RWDD1: variants seen among roughly 807,000 people sequenced by gnomAD.
RWDD1 encodes the protein RWD domain-containing protein 1.
A neutral mutation model predicts 31.6 loss-of-function variants in RWDD1; 17 were observed. The ratio of observed to expected loss-of-function variants is 0.54; its 90% CI spans 0.37 to 0.81. The LOEUF (loss-of-function observed/expected upper bound fraction) is 0.81. Ranked by LOEUF, RWDD1 falls within the 30% of genes least tolerant of loss-of-function variation. The pLI, the probability that RWDD1 is intolerant of heterozygous loss-of-function variation, is 0.00. For missense variants in RWDD1, 204 were observed against 274.5 expected (o/e 0.74, Z 1.82); for synonymous variants, 78 against 94.2 (o/e 0.83, Z 0.99).
At chr6:116,579,766 A>G (rs1309974896) in intron 1 of RWDD1, among the ~76,000 whole-genome samples, 2 of 152,246 alleles carry the variant, frequency 1.3e-5, no homozygotes, top group Non-Finnish European at 2.9e-5. Context: ...CTTAGTAAGC[A>G]TATGTGAAAG....
chr6:116,574,080 C>A (rs751885041), intron 1 of RWDD1: 16 of 657,292 alleles, frequency 2.4e-5, no homozygotes, highest in Non-Finnish European at 3.0e-5. Flanking sequence ...TTGATCCAAC[C>A]CTCCTAACAA....
At chr6:116,573,727 G>C (rs1341484717) in intron 1 of RWDD1, among the ~76,000 whole-genome samples, 3 of 152,064 alleles carry the variant, frequency 2.0e-5, no homozygotes, top group Non-Finnish European at 4.4e-5. Context: ...GTTGGCCAAG[G>C]AACACTAAAT....
At chr6:116,585,327 A>G (rs1024436495) in intron 3 of RWDD1, among the ~76,000 whole-genome samples, 5 of 152,210 alleles carry the variant, frequency 3.3e-5, no homozygotes, top group African/African-American at 1.2e-4. Flanking sequence ...ACAGACAACA[A>G]TAATGGCTTA....
chr6:116,589,865 C>T (rs1056546867), intron 4 of RWDD1, among the ~76,000 whole-genome samples: 1 of 152,120 alleles, frequency 6.6e-6, no homozygotes, highest in Non-Finnish European at 1.5e-5. Context: ...GAAAGACAGG[C>T]CACCATGATT....
At chr6:116,574,091 C>A in intron 1 of RWDD1, 1 of 525,484 alleles carries the variant, frequency 1.9e-6, no homozygotes, top group Non-Finnish European at 2.4e-6. Flanking sequence ...CTCCTAACAA[C>A]TAGTCTTCCA....
chr6:116,579,522 C>T, intron 1 of RWDD1, among the ~76,000 whole-genome samples: 1 of 152,208 alleles, frequency 6.6e-6, no homozygotes, highest in East Asian at 1.9e-4. Context: ...TTTCTAGATA[C>T]TGCCAGATAC....
chr6:116,587,646 TTCTC>T (rs1775067965), intron 3 of RWDD1, among the ~76,000 whole-genome samples: 1 of 151,374 alleles, frequency 6.6e-6, no homozygotes, highest in Admixed American at 6.6e-5. Context: ...AATTGATTAG[TTCTC>T]TCTGTGACTC....
chr6:116,590,933 T>A lies in RWDD1; in HGVS notation c.593T>A (p.Ile198Asn). ...ETDHNLDTSD[I>N]QFLEDAGNNV... ...GATCATAATCTTGACACATCTGATA[T>A]CCAGTTCTTGGAGGATGGTAAGATA... Residue 198 changes from isoleucine (I) to asparagine (N), a missense_variant, in exon 6 of 7, where the codon ATC becomes AAC. By Grantham distance (149) the Ile-to-Asn change is moderately radical. Coordinates refer to ENST00000466444, the MANE Select transcript of RWDD1 (RefSeq NM_015952.4). 1 of 1,577,768 alleles carries A rather than the reference T, an allele frequency of 6.3e-7. No individual in the cohort carries two copies. The highest frequency in any genetic ancestry group is 8.6e-7 in the Non-Finnish European group (1 of 1,168,778).
rs2243349 is a variant in RWDD1, at chr6:116,590,250, CTTTT to C, written c.415-14_415-11del. The stretch of plus-strand genomic sequence containing the variant: ...AACTGCTGTTTCATTAATCTGGTGA[CTTTT>C]TTTTTTTATTTCCTAAGCAATTATT... On this transcript the variant is annotated intron_variant, in intron 4 of 6. Coordinates refer to ENST00000466444, the MANE Select transcript of RWDD1 (RefSeq NM_015952.4). 1 of 1,078,224 alleles carries C rather than the reference CTTTT, an allele frequency of 9.3e-7. No homozygotes were observed. Among genetic ancestry groups the C allele is most frequent in the South Asian group, 1.7e-5 (1 of 58,960 alleles). The allele number at this position is 1,078,224 out of a possible 1,614,324, so 66.8% of individuals were successfully genotyped here. A position where few individuals can be genotyped will look rare whatever the true frequency, so the allele number is the denominator to read the frequency against.
intron 3 of RWDD1, among the ~76,000 whole-genome samples, chr6:116,585,123 G>A (rs960719173): frequency 6.6e-6 from 1 of 152,222 alleles, no homozygotes; most frequent in Middle Eastern, 3.4e-3. Flanking sequence ...AAAGTCCAAC[G>A]GGTACTTTAA....
intron 2 of RWDD1, among the ~76,000 whole-genome samples, chr6:116,581,692 T>C (rs1050808288): frequency 6.6e-6 from 1 of 152,040 alleles, no homozygotes; most frequent in African/African-American, 2.4e-5. Context: ...TAAAATAATA[T>C]ATCCAGCAAA....
At chr6:116,586,021 G>A (rs1294023454) in intron 3 of RWDD1, among the ~76,000 whole-genome samples, 3 of 151,990 alleles carry the variant, frequency 2.0e-5, no homozygotes, top group Non-Finnish European at 2.9e-5. Flanking sequence ...TCAGTCAGTC[G>A]TACCTTAATG....
intron 1 of RWDD1, 95 bp from the exon 2 acceptor site, chr6:116,580,200 C>G (rs943473848): frequency 7.2e-6 from 5 of 698,350 alleles, no homozygotes; most frequent in Non-Finnish European, 1.2e-5. Flanking sequence ...AGCCTAGGGA[C>G]CAGTTTCTAG....
intron 1 of RWDD1, among the ~76,000 whole-genome samples, chr6:116,578,779 T>C (rs1442310687): frequency 6.6e-6 from 1 of 152,178 alleles, no homozygotes; most frequent in Non-Finnish European, 1.5e-5. Flanking sequence ...GAGTCTTTTA[T>C]CTAACACTTT....
intron 3 of RWDD1, among the ~76,000 whole-genome samples, chr6:116,585,391 A>T (rs1775019409): frequency 6.6e-6 from 1 of 152,126 alleles, no homozygotes; most frequent in Non-Finnish European, 1.5e-5. Flanking sequence ...TATTAAAAAA[A>T]GTTTTTACTG....
rs376969318 is a variant in RWDD1 at position 116,575,402 on chromosome 6, ATTAC to A, written c.73+3752_73+3755del. Among the ~76,000 whole-genome samples, 359 of 152,302 alleles carry A rather than the reference ATTAC, an allele frequency of 2.4e-3. 1 individual carries two copies. Among genetic ancestry groups the A allele is most frequent in the Non-Finnish European group, 1.9e-3 (129 of 68,022 alleles). On this transcript the variant is annotated intron_variant, in intron 1 of 6. Coordinates refer to ENST00000466444, the MANE Select transcript of RWDD1 (RefSeq NM_015952.4). The stretch of plus-strand genomic sequence containing the variant: ...TGCCTGGCCCTCAAAAGTATTTTGA[ATTAC>A]TTACAGTGGTGGAAGTCTGGCATCC...
At position 116,580,404 on chromosome 6, in the gene RWDD1, G is replaced by T. The variant is rs371483060; in HGVS notation, c.139+44G>T. 39 of 1,432,000 alleles carry T rather than the reference G, an allele frequency of 2.7e-5. No homozygotes were observed. In the South Asian group the frequency reaches 3.7e-4, roughly 14 times the overall value. 88.7% of individuals were successfully genotyped at this position (1,432,000 alleles called of 1,614,324 possible). A position where few individuals can be genotyped will look rare whatever the true frequency, so the allele number is the denominator to read the frequency against. Reference sequence around the variant, plus strand: ...ACTTGTGGTTTTTCTAAATTTCTCAGGAATTTCACTCATTCTGTAGGCATT... The same window carrying T: ...ACTTGTGGTTTTTCTAAATTTCTCATGAATTTCACTCATTCTGTAGGCATT... On this transcript the variant is annotated intron_variant, in intron 2 of 6. Transcript: ENST00000466444.
intron 1 of RWDD1, among the ~76,000 whole-genome samples, chr6:116,578,487 C>T (rs1487067107): frequency 6.6e-6 from 1 of 152,200 alleles, no homozygotes; most frequent in East Asian, 1.9e-4. Flanking sequence ...TACCCCTGAC[C>T]TATAGCCTCA....
chr6:116,572,289 C>A (rs1280948500), intron 1 of RWDD1: 2 of 152,290 alleles, frequency 1.3e-5, no homozygotes, highest in African/African-American at 2.4e-5. Context: ...TCCTGGGGCT[C>A]CTGCTCCAAG....
Sources: allele counts gnomAD v4.1 joint callset (sites outside exome capture counted in the v4.1 genomes callset), GRCh38; gene constraint gnomAD v4.1.1; transcripts MANE v1.5; gene names NCBI Gene and HGNC (gene_info 2026-07-23, HGNC 2026-07-21).